The following ACSS1 variants were observed in gnomAD, a reference collection of about 807,000 sequenced individuals.
ACSS1 encodes acyl-CoA synthetase short chain family member 1, also known as acetyl-coenzyme A synthetase 2-like, mitochondrial.
In ACSS1, 42 loss-of-function variants were observed where a neutral mutation model predicts 75.3. That is an observed-to-expected ratio of 0.56 (90% CI 0.44 to 0.72). The LOEUF (loss-of-function observed/expected upper bound fraction) is 0.72, where lower values mean the gene tolerates loss of function less well. ACSS1 is among the 30% of genes least tolerant of loss of function. The pLI is 0.00. For missense variants in ACSS1, 782 were observed against 935.7 expected (o/e 0.84, Z 2.14); for synonymous variants, 380 against 376.8 (o/e 1.01, Z -0.10).
At chr20:25,029,420 A>G (rs1288068772) in intron 3 of ACSS1, among the ~76,000 whole-genome samples, 1 of 152,254 alleles carries the variant, frequency 6.6e-6, no homozygotes, top group Non-Finnish European at 1.5e-5. Context: ...CTATTAGTGG[A>G]AATGTAAAAT....
intron 2 of ACSS1, chr20:25,046,653 C>A (rs2089095106): frequency 1.6e-6 from 1 of 618,040 alleles, no homozygotes; most frequent in Middle Eastern, 4.3e-4. Context: ...CCAGGGGCAG[C>A]AGCCTCAAGT....
At chr20:25,051,985 C>A (rs1001781481) in intron 1 of ACSS1, among the ~76,000 whole-genome samples, 2 of 152,210 alleles carry the variant, frequency 1.3e-5, no homozygotes, top group Non-Finnish European at 2.9e-5. Context: ...AACCCTCCCC[C>A]ATCTTTGTTC....
chr20:25,015,434 T>C (rs1469393558), intron 7 of ACSS1, among the ~76,000 whole-genome samples: 1 of 152,204 alleles, frequency 6.6e-6, no homozygotes, highest in Non-Finnish European at 1.5e-5. Context: ...TAGCTGGTAT[T>C]ACAGGCGCCT....
intron 2 of ACSS1, among the ~76,000 whole-genome samples, chr20:25,035,774 A>G (rs2088900079): frequency 6.6e-6 from 1 of 152,248 alleles, no homozygotes; most frequent in African/African-American, 2.4e-5. Flanking sequence ...GACATATATT[A>G]TTGGAAAATA....
intron 2 of ACSS1, chr20:25,032,377 C>G (rs976267357): frequency 7.3e-7 from 1 of 1,368,660 alleles, no homozygotes; most frequent in Non-Finnish European, 9.5e-7. Context: ...GCCGGCCATG[C>G]GGTGCGAAGT....
rs202113568 is a variant in ACSS1, at chr20:25,013,688, G to A, written c.1453-26C>T. 522 of 1,580,736 alleles carry A rather than the reference G, an allele frequency of 3.3e-4. 1 individual carries two copies. Among genetic ancestry groups the A allele is most frequent in the Non-Finnish European group, 3.5e-4 (411 of 1,160,394 alleles). ...CTGTAGACCCCGGACATGCAAGTGA[G>A]ACAGGGCAGGCTCTGGGTGAGAAGT... On this transcript the variant is annotated intron_variant, in intron 9 of 13. Coordinates refer to ENST00000323482, the MANE Select transcript of ACSS1 (RefSeq NM_032501.4).
intron 2 of ACSS1, among the ~76,000 whole-genome samples, chr20:25,036,996 A>AAAGGAAGGAAGGAAGGAAG (rs1568843562): frequency 6.3e-5 from 5 of 79,236 alleles, no homozygotes; most frequent in Non-Finnish European, 1.3e-4. Flanking sequence ...AAAGAAAGAA[A>AAAGGAAGGAAGGAAGGAAG]GAAGAAAGAA....
chr20:25,008,208 G>A (rs571265615), intron 13 of ACSS1, among the ~76,000 whole-genome samples: 4 of 152,228 alleles, frequency 2.6e-5, no homozygotes, highest in East Asian at 1.9e-4. Flanking sequence ...ACTGCCGTCC[G>A]TCTGTCCTGC....
In ACSS1 at chr20:25,006,777, AT is replaced by A; in HGVS notation, c.*984del. The stretch of plus-strand genomic sequence containing the variant: ...GACTGGATCCAGACCTCCAAGTCTC[AT>A]CATTGGACCTCAGTGGTTCTCACCG... On this transcript the variant is annotated 3_prime_UTR_variant, in exon 14 of 14. Coordinates refer to ENST00000323482, the MANE Select transcript of ACSS1 (RefSeq NM_032501.4). 4 of 1,491,512 alleles carry A rather than the reference AT, an allele frequency of 2.7e-6. No individual in the cohort carries two copies. Among genetic ancestry groups the A allele is most frequent in the Non-Finnish European group, 3.6e-6 (4 of 1,108,796 alleles). 92.4% of individuals were successfully genotyped at this position (1,491,512 alleles called of 1,614,324 possible).
Position 25,006,931 on chromosome 20 carries a change from C to G in ACSS1, c.*831G>C, listed in dbSNP as rs2088319473. On this transcript the variant is annotated 3_prime_UTR_variant, in exon 14 of 14. Coordinates refer to ENST00000323482, the MANE Select transcript of ACSS1 (RefSeq NM_032501.4). ...AACCCAACTATTTGGAGTATGTTGC[C>G]TCTCCTATCAAGAGGCATCTGGGGG... The G allele has an allele frequency of 1.3e-6, 2 of 1,535,484 alleles. No homozygotes were observed. The highest frequency in any genetic ancestry group is 1.7e-6 in the Non-Finnish European group (2 of 1,146,740).
chr20:25,027,689 T>C (rs1203121419), intron 3 of ACSS1, among the ~76,000 whole-genome samples: 2 of 146,736 alleles, frequency 1.4e-5, no homozygotes, highest in African/African-American at 5.1e-5. Context: ...ACTGAAGCCT[T>C]CCCCCTAAGA....
intron 7 of ACSS1, 64 bp downstream of exon 7, chr20:25,019,946 C>A: frequency 6.2e-7 from 1 of 1,603,816 alleles, no homozygotes; most frequent in Non-Finnish European, 8.5e-7. Context: ...CCTGCTGAAG[C>A]CCGTATTGGC....
intron 9 of ACSS1, 29 bp downstream of exon 9, chr20:25,013,932 A>G (rs1432781534): frequency 6.3e-7 from 1 of 1,584,814 alleles, no homozygotes. Context: ...CAAGCACATG[A>G]CCCCCATGTG....
intron 2 of ACSS1, among the ~76,000 whole-genome samples, chr20:25,040,920 T>G (rs943319932): frequency 6.6e-6 from 1 of 152,268 alleles, no homozygotes; most frequent in Non-Finnish European, 1.5e-5. Context: ...TTCATTCCTT[T>G]TATTGAATAA....
chr20:25,023,785 G>A (rs2088669124), intron 3 of ACSS1, 144 bp from the exon 4 acceptor site: 2 of 777,236 alleles, frequency 2.6e-6, no homozygotes, highest in East Asian at 2.9e-5. Context: ...AAAAGTGAGG[G>A]GCTGCCTGCT....
chr20:25,012,410 G>T, intron 12 of ACSS1, 191 bp downstream of exon 12: 1 of 682,386 alleles, frequency 1.5e-6, no homozygotes, highest in Non-Finnish European at 2.5e-6. Context: ...GGGCATTTCA[G>T]AAACCCGACC....
In ACSS1 at chr20:25,030,904, G is replaced by A. The variant is rs977622765; in HGVS notation, c.486C>T (p.Val162=). 4.3e-6 allele frequency: 7 copies of A among 1,614,224 alleles called. No homozygotes were observed. Among genetic ancestry groups the A allele is most frequent in the South Asian group, 1.1e-5 (1 of 91,086 alleles). ...AGATGGCAACACGGTCCCCACGGTG[G>A]ACTCCATGCCTCTTCAGCGTGTTGG... The part of the protein sequence containing the change: ...RLANTLKRHG[V]HRGDRVAIYM... Residue 162 remains valine, a synonymous_variant, in exon 3 of 14, where the codon GTC becomes GTT. Coordinates refer to ENST00000323482, the MANE Select transcript of ACSS1 (RefSeq NM_032501.4).
chr20:25,030,641 AT>A (rs2088805201), intron 3 of ACSS1, 117 bp downstream of exon 3: 6 of 1,193,890 alleles, frequency 5.0e-6, no homozygotes, highest in African/African-American at 1.5e-5. Flanking sequence ...ACGATCTGTC[AT>A]TTGTCTGTGT....
chr20:25,009,435 A>T, intron 12 of ACSS1, 47 bp from the exon 13 acceptor site: 1 of 1,503,288 alleles, frequency 6.7e-7, no homozygotes, highest in Non-Finnish European at 9.3e-7. Context: ...CTAGACAAGG[A>T]GCCAACTCCC....
Sources: allele counts gnomAD v4.1 joint callset (sites outside exome capture counted in the v4.1 genomes callset), GRCh38; gene constraint gnomAD v4.1.1; transcripts MANE v1.5; gene names NCBI Gene and HGNC (gene_info 2026-07-23, HGNC 2026-07-21).